FBXL20: variants seen among roughly 807,000 people sequenced by gnomAD.
FBXL20 encodes F-box/LRR-repeat protein 20.
In FBXL20, 11 loss-of-function variants were observed where a neutral mutation model predicts 64.0. The ratio of observed to expected loss-of-function variants is 0.17; its 90% CI spans 0.11 to 0.28. The LOEUF is 0.28. FBXL20 is among the 10% of genes least tolerant of loss of function. FBXL20 has a pLI of 1.00. For missense variants in FBXL20, 303 were observed against 526.2 expected (o/e 0.58, Z 4.15); for synonymous variants, 184 against 189.0 (o/e 0.97, Z 0.22).
chr17:39,393,703 G>T (rs1567909141), intron 1 of FBXL20, among the ~76,000 whole-genome samples: 1 of 152,080 alleles, frequency 6.6e-6, no homozygotes, highest in African/African-American at 2.4e-5. Flanking sequence ...CATGATTAGG[G>T]TATAAGTAGG....
At chr17:39,325,496 CA>C (rs1458894477) in intron 2 of FBXL20, among the ~76,000 whole-genome samples, 12 of 152,022 alleles carry the variant, frequency 7.9e-5, no homozygotes, top group Admixed American at 6.5e-4. Context: ...GGAAAGTGAA[CA>C]AAAACAGGTA....
intron 1 of FBXL20, among the ~76,000 whole-genome samples, chr17:39,352,974 G>A (rs1437027714): frequency 2.0e-5 from 3 of 152,146 alleles, no homozygotes; most frequent in East Asian, 1.9e-4. Context: ...CTTAAAGAGA[G>A]AGGTTATGTC....
chr17:39,322,163 C>CAAAAAAA (rs761771926), intron 2 of FBXL20, among the ~76,000 whole-genome samples: 1 of 52,548 alleles, frequency 1.9e-5, no homozygotes, highest in Non-Finnish European at 4.3e-5. Flanking sequence ...CTATCTCTAC[C>CAAAAAAA]AAAAAAAAAA....
chr17:39,371,149 C>T (rs2047914726), intron 1 of FBXL20, among the ~76,000 whole-genome samples: 1 of 151,972 alleles, frequency 6.6e-6, no homozygotes, highest in South Asian at 2.1e-4. Flanking sequence ...ACCTGGGAGG[C>T]GGAGGTTGTG....
At chr17:39,372,501 G>T in intron 1 of FBXL20, among the ~76,000 whole-genome samples, 1 of 97,698 alleles carries the variant, frequency 1.0e-5, no homozygotes, top group East Asian at 3.6e-4. Context: ...CCTGGCAACA[G>T]AGCGAGACTC....
At chr17:39,284,989 G>A (rs2046976814) in intron 7 of FBXL20, among the ~76,000 whole-genome samples, 1 of 151,626 alleles carries the variant, frequency 6.6e-6, no homozygotes, top group Non-Finnish European at 1.5e-5. Flanking sequence ...GCACACTGGA[G>A]TGCAATGGTG....
Position 39,401,606 on chromosome 17 carries a change from G to A in FBXL20, c.-204C>T, listed in dbSNP as rs1354702199. 2.1e-6 allele frequency: 3 copies of A among 1,404,170 alleles called. No homozygotes were observed. The highest frequency in any genetic ancestry group is 2.8e-6 in the Non-Finnish European group (3 of 1,088,230). The allele number at this position is 1,404,170 out of a possible 1,614,324, so 87.0% of individuals were successfully genotyped here. ...GCGCCGGCGGCCGCAACGACTGCTC[G>A]TCGCTAGCTCGGCTCTCTCCTCAGC... On this transcript the variant is annotated 5_prime_UTR_variant, in exon 1 of 15. The change creates a new upstream start codon in the 5' untranslated region. Coordinates refer to ENST00000264658, the MANE Select transcript of FBXL20 (RefSeq NM_032875.3).
chr17:39,362,236 T>TGAGCCAAGACTGCCCCACTGCATTGCAGC, intron 1 of FBXL20, among the ~76,000 whole-genome samples: 1 of 151,452 alleles, frequency 6.6e-6, no homozygotes, highest in Non-Finnish European at 1.5e-5. Context: ...GAGCTTGCAG[T>TGAGCCAAGACTGCCCCACTGCATTGCAGC]GAGCCAAGAC....
intron 1 of FBXL20, among the ~76,000 whole-genome samples, chr17:39,363,122 C>T (rs1567896657): frequency 6.6e-6 from 1 of 151,744 alleles, no homozygotes; most frequent in Non-Finnish European, 1.5e-5. Context: ...CTGCCTCACC[C>T]TCCCGAGCTA....
chr17:39,350,834 T>C (rs570907062), intron 1 of FBXL20, among the ~76,000 whole-genome samples: 1 of 152,272 alleles, frequency 6.6e-6, no homozygotes, highest in Non-Finnish European at 1.5e-5. Flanking sequence ...GGATTTTCCC[T>C]AGACCTGTAG....
At chr17:39,335,898 C>G (rs780161568) in intron 2 of FBXL20, among the ~76,000 whole-genome samples, 12 of 152,122 alleles carry the variant, frequency 7.9e-5, no homozygotes, top group Middle Eastern at 3.4e-3. Flanking sequence ...CCTAATACTT[C>G]GTGAGGCTAA....
chr17:39,311,652 A>T (rs183355827), intron 2 of FBXL20, among the ~76,000 whole-genome samples: 137 of 152,326 alleles, frequency 9.0e-4, no homozygotes, highest in African/African-American at 3.1e-3. Context: ...AAATTTATCT[A>T]ATGTAACAAA....
At chr17:39,307,359 G>T (rs1245979772) in intron 2 of FBXL20, among the ~76,000 whole-genome samples, 2 of 152,166 alleles carry the variant, frequency 1.3e-5, no homozygotes, top group Non-Finnish European at 2.9e-5. Context: ...CCTAGGAGTA[G>T]GTATTTGATT....
In FBXL20 at chr17:39,401,146, G is replaced by C. The variant is rs554820068; in HGVS notation, c.42+215C>G. 1.1e-4 allele frequency among the ~76,000 whole-genome samples: 17 copies of C among 152,294 alleles called. No individual in the cohort carries two copies. In the South Asian group the frequency reaches 3.3e-3, roughly 30 times the overall value. On this transcript the variant is annotated intron_variant, in intron 1 of 14. Coordinates refer to ENST00000264658, the MANE Select transcript of FBXL20 (RefSeq NM_032875.3). Reference sequence around the variant, plus strand: ...GCTAATCCCCCGCGGGGGCCCGCTGGTGGGAAGAGACGGGGGGCGAACCGG... The same window carrying C: ...GCTAATCCCCCGCGGGGGCCCGCTGCTGGGAAGAGACGGGGGGCGAACCGG...
At chr17:39,349,022 C>G (rs866439400) in intron 1 of FBXL20, among the ~76,000 whole-genome samples, 1 of 151,972 alleles carries the variant, frequency 6.6e-6, no homozygotes, top group East Asian at 2.0e-4. Context: ...GAGGCTGAGG[C>G]GGGCAGATCA....
chr17:39,398,283 G>GA (rs947196200), intron 1 of FBXL20, among the ~76,000 whole-genome samples: 1 of 151,820 alleles, frequency 6.6e-6, no homozygotes, highest in African/African-American at 2.4e-5. Flanking sequence ...TCATCTCAAA[G>GA]AAAAAAAGCA....
At chr17:39,370,651 C>T (rs1474162778) in intron 1 of FBXL20, among the ~76,000 whole-genome samples, 2 of 150,980 alleles carry the variant, frequency 1.3e-5, no homozygotes, top group Non-Finnish European at 1.5e-5. Flanking sequence ...AAAAATTAGC[C>T]GGGCGTGGTA....
At chr17:39,385,152 G>A (rs1386955986) in intron 1 of FBXL20, among the ~76,000 whole-genome samples, 1 of 152,090 alleles carries the variant, frequency 6.6e-6, no homozygotes, top group Non-Finnish European at 1.5e-5. Context: ...AGCCTAGGAG[G>A]TCAAGGCTGC....
chr17:39,333,832 C>A (rs868445388), intron 2 of FBXL20, among the ~76,000 whole-genome samples: 3 of 151,682 alleles, frequency 2.0e-5, no homozygotes, highest in Admixed American at 6.6e-5. Flanking sequence ...CTCTGCCCCG[C>A]CGCCACCCCG....
Sources: allele counts gnomAD v4.1 joint callset (sites outside exome capture counted in the v4.1 genomes callset), GRCh38; gene constraint gnomAD v4.1.1; transcripts MANE v1.5; gene names NCBI Gene and HGNC (gene_info 2026-07-23, HGNC 2026-07-21).